SVIP: variants seen among roughly 807,000 people sequenced by gnomAD.
SVIP encodes small VCP interacting protein, also known as small VCP/p97-interacting protein.
Under a neutral mutation model 12.9 loss-of-function variants are expected in SVIP, and 14 were observed. The observed-to-expected ratio is 1.08, with a 90% CI of 0.72 to 1.70. The LOEUF (loss-of-function observed/expected upper bound fraction) is 1.70. Among genes scored for constraint, SVIP ranks in the 40% most tolerant of loss-of-function variants. The probability of loss-of-function intolerance (pLI) is 0.00; values close to 1 mark genes in which losing one functional copy is unlikely to be tolerated. For missense variants in SVIP, 93 were observed against 90.8 expected, an observed-to-expected ratio of 1.02 and a Z score of -0.10; for synonymous variants, 35 against 33.3, an observed-to-expected ratio of 1.05 and a Z score of -0.17.
At position 22,820,472 on chromosome 11, in the gene SVIP, C is replaced by T. The variant is rs1857439609; in HGVS notation, c.*2647G>A. On this transcript the variant is annotated 3_prime_UTR_variant, in exon 4 of 4. Coordinates refer to ENST00000354193, the MANE Select transcript of SVIP (RefSeq NM_148893.3). ...GGGATTGTATGAACACACCAAACAACCTTTGGTTCTGTTGCTCTTCTGAAT... is the reference window on the plus strand; with the variant it reads ...GGGATTGTATGAACACACCAAACAATCTTTGGTTCTGTTGCTCTTCTGAAT... 1 of 152,130 alleles carries T rather than the reference C, an allele frequency of 6.6e-6. No individual in the cohort carries two copies. The highest frequency in any genetic ancestry group is 2.4e-5 in the African/African-American group (1 of 41,438). The allele number at this position is 152,130 out of a possible 1,614,324, so 9.4% of individuals were successfully genotyped here.
intron 1 of SVIP, among the ~76,000 whole-genome samples, chr11:22,828,134 C>T (rs1267058324): frequency 1.3e-5 from 2 of 152,130 alleles, no homozygotes; most frequent in Non-Finnish European, 2.9e-5. Context: ...AAAAGGCCTA[C>T]AAGCTAGTCA....
chr11:22,829,469 T>G (rs1857864102), intron 1 of SVIP: 1 of 432,488 alleles, frequency 2.3e-6, no homozygotes. Context: ...CAGCCGCCTT[T>G]CGACAACTTT....
Position 22,821,126 on chromosome 11 carries a change from A to AAT in SVIP, c.*1991_*1992dup, listed in dbSNP as rs1554915331. ...TGTGTATATATATACACACATATAT[A>AAT]ATATATATATTATATATATATATAA... On this transcript the variant is annotated 3_prime_UTR_variant, in exon 4 of 4. Coordinates refer to ENST00000354193, the MANE Select transcript of SVIP (RefSeq NM_148893.3). 2 of 147,466 alleles carry AAT rather than the reference A, an allele frequency of 1.4e-5. No individual in the cohort carries two copies. The highest frequency in any genetic ancestry group is 1.4e-4 in the Admixed American group (2 of 14,678). 9.1% of individuals were successfully genotyped at this position (147,466 alleles called of 1,614,324 possible).
At chr11:22,823,443 T>G (rs1332353540) in intron 3 of SVIP, among the ~76,000 whole-genome samples, 1 of 152,168 alleles carries the variant, frequency 6.6e-6, no homozygotes, top group Non-Finnish European at 1.5e-5. Flanking sequence ...CATCCTGGGA[T>G]AGCAAATGAA....
chr11:22,824,086 G>GA (rs1300428123), intron 3 of SVIP, among the ~76,000 whole-genome samples: 1 of 152,140 alleles, frequency 6.6e-6, no homozygotes, highest in Non-Finnish European at 1.5e-5. Context: ...ACTGGACTCT[G>GA]AAGTTGGTAA....
intron 3 of SVIP, among the ~76,000 whole-genome samples, chr11:22,826,297 C>T (rs554968733): frequency 5.3e-5 from 8 of 151,986 alleles, no homozygotes; most frequent in African/African-American, 1.2e-4. Flanking sequence ...CCACAAGTTA[C>T]GAGAGTATCT....
At chr11:22,825,241 T>C (rs113633268) in intron 3 of SVIP, among the ~76,000 whole-genome samples, 29 of 152,132 alleles carry the variant, frequency 1.9e-4, no homozygotes, top group African/African-American at 6.5e-4. Context: ...ACAGCAGCCA[T>C]TAAAGGACCA....
Position 22,827,835 on chromosome 11 carries a change from TTC to T in SVIP, c.92_93del (p.Arg31LysfsTer42), listed in dbSNP as rs1243430626. 1 of 1,581,086 alleles carries T rather than the reference TTC, an allele frequency of 6.3e-7. No homozygotes were observed. The highest frequency in any genetic ancestry group is 1.2e-5 in the South Asian group (1 of 83,942). On this transcript the variant is annotated frameshift_variant, in exon 2 of 4. Transcript: ENST00000354193. LOFTEE classifies it high-confidence loss of function. ...ATCTTTAATCTTACCTCTTTTTGTC[TTC>T]TCTCTGCAGCCTCTGCAAGCTTTGC... The part of the protein sequence containing the change: ...KRAKLAEAAE[R>X]RQKEAASRGI...
intron 1 of SVIP, chr11:22,829,290 C>A (rs930216965): frequency 2.9e-5 from 5 of 172,324 alleles, no homozygotes; most frequent in Non-Finnish European, 4.9e-5. Context: ...CAGTTGAAAA[C>A]GCACATCTCC....
chr11:22,827,342 A>T (rs775225118), intron 2 of SVIP, 22 bp from the exon 3 acceptor site: 184 of 1,574,224 alleles, frequency 1.2e-4, no homozygotes, highest in Non-Finnish European at 1.5e-4. Context: ...TTGATAAGAA[A>T]AACAGAAAGA....
intron 1 of SVIP, among the ~76,000 whole-genome samples, 159 bp from the exon 2 acceptor site, chr11:22,828,033 T>G (rs1031964287): frequency 6.6e-6 from 1 of 152,224 alleles, no homozygotes; most frequent in Non-Finnish European, 1.5e-5. Flanking sequence ...TTGAATTTCA[T>G]TCTCCTAATC....
At position 22,822,737 on chromosome 11, in the gene SVIP, G is replaced by A. The variant is rs1857528599; in HGVS notation, c.*382C>T. The A allele has an allele frequency of 1.2e-5, 2 of 168,118 alleles. No individual in the cohort carries two copies. Among genetic ancestry groups the A allele is most frequent in the Non-Finnish European group, 1.3e-5 (1 of 78,576 alleles). 10.4% of individuals were successfully genotyped at this position (168,118 alleles called of 1,614,324 possible). A position where few individuals can be genotyped will look rare whatever the true frequency, so the allele number is the denominator to read the frequency against. On this transcript the variant is annotated 3_prime_UTR_variant, in exon 4 of 4. Coordinates refer to ENST00000354193, the MANE Select transcript of SVIP (RefSeq NM_148893.3). The stretch of plus-strand genomic sequence containing the variant: ...GAAATAAAAACAGATGTAACGCGAT[G>A]CAGCACAAATATAAGTAGTTAGATC...
In SVIP at chr11:22,820,654, G is replaced by T. The variant is rs1857445975; in HGVS notation, c.*2465C>A. On this transcript the variant is annotated 3_prime_UTR_variant, in exon 4 of 4. Transcript: ENST00000354193. The stretch of plus-strand genomic sequence containing the variant: ...ATTTATATCCCTAAAAGGCAATACA[G>T]AATTTATAACCAAACCATGTGTGAG... The T allele has an allele frequency of 6.6e-6, 1 of 152,122 alleles. No homozygotes were observed. Among genetic ancestry groups the T allele is most frequent in the Non-Finnish European group, 1.5e-5 (1 of 68,018 alleles). The allele number at this position is 152,122 out of a possible 1,614,324, so 9.4% of individuals were successfully genotyped here.
chr11:22,825,808 T>C (rs1000573423), intron 3 of SVIP, among the ~76,000 whole-genome samples: 3 of 152,210 alleles, frequency 2.0e-5, no homozygotes, highest in Admixed American at 6.5e-5. Flanking sequence ...TTGATTAAAT[T>C]ATCCTTTTCC....
intron 3 of SVIP, among the ~76,000 whole-genome samples, chr11:22,825,791 TTAAG>T (rs1188358760): frequency 1.3e-5 from 2 of 152,208 alleles, no homozygotes; most frequent in African/African-American, 2.4e-5. Flanking sequence ...TTAATTATGA[TTAAG>T]TGTTGATTAA....
intron 3 of SVIP, among the ~76,000 whole-genome samples, chr11:22,826,056 T>C (rs1857687695): frequency 6.6e-6 from 1 of 152,252 alleles, no homozygotes; most frequent in Non-Finnish European, 1.5e-5. Flanking sequence ...TATTCTGTTC[T>C]ATTATGGAAT....
intron 2 of SVIP, among the ~76,000 whole-genome samples, chr11:22,827,566 A>C (rs1857763497): frequency 6.6e-6 from 1 of 152,168 alleles, no homozygotes; most frequent in Non-Finnish European, 1.5e-5. Flanking sequence ...TTTACAATGC[A>C]CAGCCATTTT....
chr11:22,827,191 A>T lies in SVIP; in HGVS notation c.219+16T>A, dbSNP rs1305990995. ...ATGCCAGTTAAGTTAATCACTAAGA[A>T]AATTTTAATACTTACCCTAAGTCCA... On this transcript the variant is annotated intron_variant, in intron 3 of 3. Transcript: ENST00000354193. 1.3e-6 allele frequency: 2 copies of T among 1,590,024 alleles called. No individual in the cohort carries two copies. Among genetic ancestry groups the T allele is most frequent in the Non-Finnish European group, 1.7e-6 (2 of 1,162,086 alleles).
rs372694543 is a variant in SVIP at position 22,821,694 on chromosome 11, C to G, written c.*1425G>C. 5.3e-5 allele frequency: 8 copies of G among 152,186 alleles called. No homozygotes were observed. In the East Asian group the frequency reaches 1.4e-3, roughly 26 times the overall value. The allele number at this position is 152,186 out of a possible 1,614,324, so 9.4% of individuals were successfully genotyped here. On this transcript the variant is annotated 3_prime_UTR_variant, in exon 4 of 4. Transcript: ENST00000354193. Reference sequence around the variant, plus strand: ...AAATATAGTTCAATGATTTCACTACCCTTTATGAACAAAAACAGCACGAAT... The same window carrying G: ...AAATATAGTTCAATGATTTCACTACGCTTTATGAACAAAAACAGCACGAAT...
Sources: gnomAD v4.1 joint callset for allele counts (sites outside exome capture counted in the v4.1 genomes callset) on GRCh38, gnomAD v4.1.1 for gene constraint, MANE v1.5 for transcripts, NCBI Gene and HGNC (gene_info 2026-07-23, HGNC 2026-07-21) for gene names.